Variants in FBXL13 observed in about 807,000 individuals in gnomAD.
FBXL13 encodes F-box and leucine-rich repeat protein 13.
A neutral mutation model predicts 83.6 loss-of-function variants in FBXL13; 67 were observed. The ratio of observed to expected loss-of-function variants is 0.80; its 90% confidence interval spans 0.66 to 0.98. The LOEUF is 0.98. Among genes scored for constraint, FBXL13 ranks in the 50% least tolerant of loss-of-function variants. FBXL13 has a pLI of 0.00. For synonymous variants in FBXL13, 272 were observed against 299.5 expected, an observed-to-expected ratio of 0.91 and a Z score of 0.95; for missense variants, 822 against 866.5, an observed-to-expected ratio of 0.95 and a Z score of 0.64.
chr7:102,999,474 A>C lies in FBXL13; in HGVS notation c.495+25589T>G, dbSNP rs530262485. 2.6e-5 allele frequency among the ~76,000 whole-genome samples: 4 copies of C among 152,346 alleles called. No individual in the cohort carries two copies. In the East Asian group the frequency reaches 7.7e-4, roughly 29 times the overall value. ...TCCCTCCTCTTCAATTTCTTGGAAT[A>C]GTTTCAATAGAATTGGTATTAATTA... On this transcript the variant is annotated intron_variant, in intron 6 of 19. Coordinates refer to ENST00000313221, the Ensembl canonical transcript of FBXL13.
intron 5 of FBXL13, among the ~76,000 whole-genome samples, chr7:103,026,582 T>C (rs563507323): frequency 6.6e-6 from 1 of 152,342 alleles, no homozygotes; most frequent in African/African-American, 2.4e-5. Flanking sequence ...TCAAAACCTA[T>C]AGATTATAAA....
rs371287689 is a variant in FBXL13, at chr7:102,973,561, C to G, written c.496-5444G>C. On this transcript the variant is annotated intron_variant, in intron 6 of 19. Transcript: ENST00000313221. The stretch of plus-strand genomic sequence containing the variant: ...AAAACAGCAGGTTGCTCCACACTGC[C>G]TCGTGTTGTCTGTTGGCACACTCTC... 26 of 765,078 alleles carry G rather than the reference C, an allele frequency of 3.4e-5. No homozygotes were observed. In the African/African-American group the frequency reaches 3.6e-4, roughly 10 times the overall value. 47.4% of individuals were successfully genotyped at this position (765,078 alleles called of 1,614,324 possible).
chr7:102,824,899 T>C (rs1386828423), intron 18 of FBXL13, among the ~76,000 whole-genome samples: 1 of 150,192 alleles, frequency 6.7e-6, no homozygotes, highest in Non-Finnish European at 1.5e-5. Context: ...GCTGGGACCA[T>C]AGCTGCACAC....
chr7:103,045,063 C>T (rs921672123), intron 2 of FBXL13, among the ~76,000 whole-genome samples: 3 of 152,196 alleles, frequency 2.0e-5, no homozygotes, highest in African/African-American at 7.2e-5. Context: ...ACAGCAGATT[C>T]AGAGAGACTC....
At chr7:102,825,674 C>A (rs1236311927) in intron 18 of FBXL13, among the ~76,000 whole-genome samples, 1 of 152,106 alleles carries the variant, frequency 6.6e-6, no homozygotes, top group Non-Finnish European at 1.5e-5. Flanking sequence ...ATATAAGGAC[C>A]AGTTTCACTG....
At chr7:102,856,998 C>T (rs1162911974) in intron 16 of FBXL13, among the ~76,000 whole-genome samples, 2 of 152,174 alleles carry the variant, frequency 1.3e-5, no homozygotes, top group Non-Finnish European at 2.9e-5. Context: ...AAATGGTGCT[C>T]TTCAATAAGT....
chr7:103,048,481 G>A (rs1420781499), intron 2 of FBXL13, among the ~76,000 whole-genome samples: 2 of 148,552 alleles, frequency 1.3e-5, no homozygotes, highest in Non-Finnish European at 3.0e-5. Flanking sequence ...TGAAAATCTT[G>A]TTCAAGAGAG....
chr7:102,823,667 T>C (rs955869573), intron 18 of FBXL13, among the ~76,000 whole-genome samples: 1 of 152,254 alleles, frequency 6.6e-6, no homozygotes, highest in Non-Finnish European at 1.5e-5. Context: ...AAAGGAATTT[T>C]TTTCCAACTG....
chr7:102,981,987 G>A (rs1304058618), intron 6 of FBXL13, among the ~76,000 whole-genome samples: 3 of 152,120 alleles, frequency 2.0e-5, no homozygotes, highest in Admixed American at 1.3e-4. Flanking sequence ...GGCAGATCAC[G>A]AGGTCAATGC....
chr7:103,018,109 GAAT>G (rs1475490611), intron 6 of FBXL13, among the ~76,000 whole-genome samples: 1 of 152,228 alleles, frequency 6.6e-6, no homozygotes, highest in Non-Finnish European at 1.5e-5. Context: ...AATCCCATCA[GAAT>G]AACAGCGGAT....
At chr7:102,924,723 G>A (rs970770363) in intron 10 of FBXL13, among the ~76,000 whole-genome samples, 3 of 144,456 alleles carry the variant, frequency 2.1e-5, no homozygotes, top group East Asian at 2.0e-4. Flanking sequence ...CTCACTGCAA[G>A]CTCCGCCTCC....
chr7:103,027,295 C>T (rs908562676), intron 5 of FBXL13, among the ~76,000 whole-genome samples, 154 bp downstream of exon 6: 1 of 151,128 alleles, frequency 6.6e-6, no homozygotes, highest in Non-Finnish European at 1.5e-5. Context: ...AAACTCTGTC[C>T]CAAAAAAATA....
At position 102,823,076 on chromosome 7, in the gene FBXL13, C is replaced by G. The variant is rs191936198; in HGVS notation, c.1855-873G>C. On this transcript the variant is annotated intron_variant, in intron 18 of 19. Transcript: ENST00000313221. ...AGAGCAAGACCCTGTGCCCTGCCCA[C>G]CCCCCACACAAAAAAAGTTGTGATT... Among the ~76,000 whole-genome samples, 814 of 152,072 alleles carry G rather than the reference C, an allele frequency of 5.4e-3. 13 individuals carry two copies. The highest frequency in any genetic ancestry group is 0.019 in the African/African-American group (774 of 41,484).
At chr7:102,958,086 C>T (rs1359597315) in intron 8 of FBXL13, among the ~76,000 whole-genome samples, 1 of 152,150 alleles carries the variant, frequency 6.6e-6, no homozygotes, top group Non-Finnish European at 1.5e-5. Context: ...CACATGCACA[C>T]ATATGTTTAC....
At chr7:102,853,660 A>C (rs1410856660) in intron 17 of FBXL13, among the ~76,000 whole-genome samples, 1 of 152,146 alleles carries the variant, frequency 6.6e-6, no homozygotes, top group African/African-American at 2.4e-5. Flanking sequence ...CAATGAACTC[A>C]AACAAATTTA....
At chr7:102,934,351 G>A in intron 8 of FBXL13, 1 of 1,614,130 alleles carries the variant, frequency 6.2e-7, no homozygotes, top group Non-Finnish European at 8.5e-7. Context: ...TCTTGACGGA[G>A]GAAGTGTTCA....
intron 5 of FBXL13, among the ~76,000 whole-genome samples, chr7:103,026,677 A>G (rs2129488361): frequency 6.6e-6 from 1 of 152,338 alleles, no homozygotes. Context: ...TGTAAGTAAT[A>G]AATCTCCTCA....
chr7:103,060,187 G>A (rs1248385234), intron 1 of FBXL13, among the ~76,000 whole-genome samples: 1 of 150,164 alleles, frequency 6.7e-6, no homozygotes, highest in Non-Finnish European at 1.5e-5. Context: ...AGCCTCCCAA[G>A]GAGCTAGGAC....
At chr7:102,933,918 G>T in intron 8 of FBXL13, 3 of 1,600,184 alleles carry the variant, frequency 1.9e-6, no homozygotes, top group Non-Finnish European at 2.6e-6. Flanking sequence ...GTCAGGATGC[G>T]TGTGGTTACC....
Sources: gnomAD v4.1 joint callset for allele counts (sites outside exome capture counted in the v4.1 genomes callset) on GRCh38, gnomAD v4.1.1 for gene constraint, MANE v1.5 for transcripts, NCBI Gene and HGNC (gene_info 2026-07-23, HGNC 2026-07-21) for gene names.